The following PDS5B variants were observed in gnomAD, a reference collection of about 807,000 sequenced individuals.
The protein encoded by PDS5B is sister chromatid cohesion protein PDS5 homolog B.
Under a neutral mutation model 184.1 loss-of-function variants are expected in PDS5B, and 51 were observed. The ratio of observed to expected loss-of-function variants is 0.28; its 90% CI spans 0.22 to 0.35. The LOEUF (loss-of-function observed/expected upper bound fraction) is 0.35, where lower values mean the gene tolerates loss of function less well. Among genes scored for constraint, PDS5B ranks in the 10% least tolerant of loss-of-function variants. PDS5B has a pLI of 1.00. For missense variants in PDS5B, 1,180 were observed against 1,723.3 expected (o/e 0.68, Z 5.58); for synonymous variants, 566 against 569.2 (o/e 0.99, Z 0.08).
chr13:32,645,377 A>G lies in PDS5B; in HGVS notation c.-19-3377A>G, dbSNP rs181021949. Among the ~76,000 whole-genome samples the G allele has an allele frequency of 2.8e-3, 420 of 152,254 alleles. 2 individuals carry two copies. The highest frequency in any genetic ancestry group is 6.7e-3 in the African/African-American group (278 of 41,538). ...ATTCCCTTGTTTTTCATTTCTTGGA[A>G]CTATTTGTATGACATGGGAAATATT... On this transcript the variant is annotated intron_variant, in intron 1 of 34. Transcript: ENST00000315596.
rs549558048 is a variant in PDS5B, at chr13:32,618,688, A to T, written c.-19-30066A>T. Among the ~76,000 whole-genome samples, 5 of 152,256 alleles carry T rather than the reference A, an allele frequency of 3.3e-5. No individual in the cohort carries two copies. In the South Asian group the frequency reaches 1.0e-3, roughly 32 times the overall value. On this transcript the variant is annotated intron_variant, in intron 1 of 34. Coordinates refer to ENST00000315596, the MANE Select transcript of PDS5B (RefSeq NM_015032.4). The stretch of plus-strand genomic sequence containing the variant: ...TAGTCTTAATGTAGTAAGATCTTTT[A>T]TGGTTTATATGGGCATTCATGTATT...
At position 32,776,077 on chromosome 13, in the gene PDS5B, T is replaced by C. The variant is rs973450579; in HGVS notation, c.*1025T>C. 1.3e-5 allele frequency: 2 copies of C among 155,186 alleles called. No homozygotes were observed. The highest frequency in any genetic ancestry group is 4.8e-5 in the African/African-American group (2 of 41,472). The allele number at this position is 155,186 out of a possible 1,614,324, so 9.6% of individuals were successfully genotyped here. On this transcript the variant is annotated 3_prime_UTR_variant, in exon 35 of 35. Coordinates refer to ENST00000315596, the MANE Select transcript of PDS5B (RefSeq NM_015032.4). The stretch of plus-strand genomic sequence containing the variant: ...GAAAGAAAAAATTTTATTGATGCAG[T>C]GTGTCTTTATAAAGCTGTTCTTGAA...
intron 19 of PDS5B, among the ~76,000 whole-genome samples, chr13:32,716,600 CATCCGGGAGGGAGGTGGGGGG>C (rs1952430384): frequency 4.6e-5 from 7 of 150,644 alleles, no homozygotes; most frequent in African/African-American, 1.7e-4. Context: ...CCAGCCGCCC[CATCCGGGAGGGAGGTGGGGGG>C]GTCAGCCCCC....
chr13:32,591,337 T>C (rs2140458994), intron 1 of PDS5B, among the ~76,000 whole-genome samples: 1 of 152,122 alleles, frequency 6.6e-6, no homozygotes, highest in Non-Finnish European at 1.5e-5. Context: ...CAGGCTGGTC[T>C]CAAACTCCTG....
At chr13:32,733,288 G>A (rs1953189440) in intron 20 of PDS5B, among the ~76,000 whole-genome samples, 1 of 152,050 alleles carries the variant, frequency 6.6e-6, no homozygotes, top group Non-Finnish European at 1.5e-5. Flanking sequence ...CTCCTATGTA[G>A]CATTTGGTTG....
At chr13:32,696,121 T>C (rs1027278959) in intron 14 of PDS5B, among the ~76,000 whole-genome samples, 1 of 152,148 alleles carries the variant, frequency 6.6e-6, no homozygotes, top group Admixed American at 6.6e-5. Context: ...TCTCAGTTCC[T>C]CTTAGCAAGC....
chr13:32,622,108 CTT>C (rs1320067371), intron 1 of PDS5B, among the ~76,000 whole-genome samples: 3 of 151,834 alleles, frequency 2.0e-5, no homozygotes, highest in Non-Finnish European at 4.4e-5. Flanking sequence ...AATTTCCACT[CTT>C]TTTTATCTTC....
intron 6 of PDS5B, among the ~76,000 whole-genome samples, chr13:32,665,917 A>C (rs953074618): frequency 1.2e-4 from 19 of 152,280 alleles, no homozygotes; most frequent in Admixed American, 9.2e-4. Context: ...CAGGAAGACA[A>C]ATATGTTTTC....
chr13:32,604,610 C>G (rs1001647121), intron 1 of PDS5B, among the ~76,000 whole-genome samples: 1 of 152,092 alleles, frequency 6.6e-6, no homozygotes, highest in Admixed American at 6.6e-5. Flanking sequence ...GGAGGATTCC[C>G]TCTTTTTCTG....
chr13:32,756,913 A>G (rs1402643126), intron 26 of PDS5B, among the ~76,000 whole-genome samples: 3 of 152,156 alleles, frequency 2.0e-5, no homozygotes, highest in African/African-American at 7.2e-5. Context: ...ACCTGAGGTC[A>G]GGAGTTCCAG....
chr13:32,748,669 G>A (rs1953852044), intron 24 of PDS5B, among the ~76,000 whole-genome samples: 2 of 151,976 alleles, frequency 1.3e-5, no homozygotes, highest in South Asian at 2.1e-4. Flanking sequence ...AATACTGAGA[G>A]TTATAATATT....
chr13:32,696,995 G>A (rs1314184735), intron 15 of PDS5B, 93 bp downstream of exon 15: 3 of 700,634 alleles, frequency 4.3e-6, no homozygotes, highest in East Asian at 5.9e-5. Flanking sequence ...TATAGGCTAT[G>A]ATAATATAGG....
chr13:32,707,885 G>A (rs1030229049), intron 18 of PDS5B, among the ~76,000 whole-genome samples: 3 of 151,532 alleles, frequency 2.0e-5, no homozygotes, highest in Admixed American at 6.6e-5. Context: ...CTCCAGAGGC[G>A]GAGCTCAGAT....
At chr13:32,599,609 T>G (rs1006940513) in intron 1 of PDS5B, among the ~76,000 whole-genome samples, 2 of 151,654 alleles carry the variant, frequency 1.3e-5, no homozygotes, top group African/African-American at 4.8e-5. Flanking sequence ...TTTGGTACAT[T>G]TTAGACCTTA....
At chr13:32,627,199 C>T (rs1036354709) in intron 1 of PDS5B, among the ~76,000 whole-genome samples, 3 of 152,136 alleles carry the variant, frequency 2.0e-5, no homozygotes, top group African/African-American at 4.8e-5. Flanking sequence ...CCCTCAGTGC[C>T]TGTGAATTTG....
intron 1 of PDS5B, among the ~76,000 whole-genome samples, chr13:32,609,030 C>T (rs185219394): frequency 2.1e-3 from 321 of 152,294 alleles, no homozygotes; most frequent in Non-Finnish European, 2.6e-3. Context: ...TGCTACCTAG[C>T]TAGGTTGATA....
At position 32,758,555 on chromosome 13, in the gene PDS5B, G is replaced by A. The variant is rs745736876; in HGVS notation, c.3211G>A (p.Val1071Ile). 2.5e-6 allele frequency: 4 copies of A among 1,611,582 alleles called. No homozygotes were observed. The highest frequency in any genetic ancestry group is 1.7e-4 in the Middle Eastern group (1 of 6,050). Residue 1071 changes from valine to isoleucine, a missense_variant, in exon 28 of 35, where the codon GTT (valine) becomes ATT (isoleucine). By Grantham distance (29) the Val-to-Ile change is conservative. Transcript: ENST00000315596. ...MNEKLYTVCDVAMNIIMSKST... is the reference protein window; with the variant it reads ...MNEKLYTVCDIAMNIIMSKST... ...GCAGAAACTGTACACTGTGTGTGATGTTGCCATGAATATCATCATGTCAAA... is the reference window on the plus strand; with the variant it reads ...GCAGAAACTGTACACTGTGTGTGATATTGCCATGAATATCATCATGTCAAA...
intron 1 of PDS5B, among the ~76,000 whole-genome samples, chr13:32,622,575 T>C (rs745891087): frequency 6.6e-6 from 1 of 152,230 alleles, no homozygotes; most frequent in Non-Finnish European, 1.5e-5. Flanking sequence ...AGTCTTCTTA[T>C]GTCTTTACTA....
At chr13:32,690,848 T>C (rs1473136971) in intron 13 of PDS5B, 1 of 152,112 alleles carries the variant, frequency 6.6e-6, no homozygotes, top group Non-Finnish European at 1.5e-5. Context: ...GGATATTTAT[T>C]TGTTTTAAGA....
Sources: gnomAD v4.1 joint callset for allele counts (sites outside exome capture counted in the v4.1 genomes callset) on GRCh38, gnomAD v4.1.1 for gene constraint, MANE v1.5 for transcripts, NCBI Gene and HGNC (gene_info 2026-07-23, HGNC 2026-07-21) for gene names.